KIF5B: variants seen among roughly 807,000 people sequenced by gnomAD.
KIF5B encodes kinesin-1 heavy chain.
KIF5B carries 49 observed loss-of-function variants against 132.8 expected under a neutral mutation model. The ratio of observed to expected loss-of-function variants is 0.37; its 90% CI spans 0.29 to 0.47. The LOEUF is 0.47. Ranked by LOEUF, KIF5B falls within the 20% of genes least tolerant of loss-of-function variation. The probability of loss-of-function intolerance (pLI) is 1.00; values close to 1 mark genes in which losing one functional copy is unlikely to be tolerated. For missense variants in KIF5B, 780 were observed against 1,144.0 expected (o/e 0.68, Z 4.59); for synonymous variants, 355 against 369.4 (o/e 0.96, Z 0.45).
In KIF5B at chr10:32,034,750, T is replaced by C; in HGVS notation, c.1051A>G (p.Asn351Asp). The C allele has an allele frequency of 6.2e-7, 1 of 1,609,828 alleles. No homozygotes were observed. Among genetic ancestry groups the C allele is most frequent in the Non-Finnish European group, 8.5e-7 (1 of 1,178,206 alleles). ...TGAATAGTGTTCCGCAGGATCTTAT[T>C]TTTTTCTTTTTCTTTTTCATACTTC... Reference protein sequence around the residue: ...KKKYEKEKEKNKILRNTIQWL... With the variant: ...KKKYEKEKEKDKILRNTIQWL... The change falls in exon 11 of 26, where the codon AAT (asparagine) becomes GAT (aspartate). Residue 351 changes from asparagine to aspartate, a missense_variant. By Grantham distance (23) the Asn-to-Asp change is conservative (BLOSUM62 1). Transcript: ENST00000302418.
At chr10:32,035,394 T>C (rs1435714736) in intron 10 of KIF5B, 128 bp downstream of exon 10, 1 of 695,362 alleles carries the variant, frequency 1.4e-6, no homozygotes, top group Non-Finnish European at 2.3e-6. Flanking sequence ...TTATCTGTCA[T>C]CAATTCAAAC....
At chr10:32,050,711 C>A (rs1273427577) in intron 1 of KIF5B, among the ~76,000 whole-genome samples, 1 of 152,212 alleles carries the variant, frequency 6.6e-6, no homozygotes, top group Non-Finnish European at 1.5e-5. Context: ...TTAAAATAGG[C>A]ATCGATGTCT....
chr10:32,018,311 A>G lies in KIF5B; in HGVS notation c.2439+5T>C. On this transcript the variant is annotated splice_donor_5th_base_variant and intron_variant, in intron 22 of 25. Transcript: ENST00000302418. ...CAAACGCCTACCTCGGCATAGTTAC[A>G]TTACCTTTTTAACTCTTGTAGCCAG... is the stretch of plus-strand genomic sequence containing the variant. The G allele has an allele frequency of 1.3e-6, 2 of 1,503,650 alleles. No individual in the cohort carries two copies. The highest frequency in any genetic ancestry group is 1.4e-5 in the South Asian group (1 of 70,464). 93.1% of individuals were successfully genotyped at this position (1,503,650 alleles called of 1,614,324 possible). A position where few individuals can be genotyped will look rare whatever the true frequency, so the allele number is the denominator to read the frequency against.
At position 32,010,342 on chromosome 10, in the gene KIF5B, A is replaced by G. The variant is rs1321398253; in HGVS notation, c.*1195T>C. On this transcript the variant is annotated 3_prime_UTR_variant, in exon 26 of 26. Transcript: ENST00000302418. ...ACGTATACACTTAGTACTGATTACA[A>G]AATTATCGGCTATGGCCAAGAAAAT... The G allele has an allele frequency of 6.6e-6, 1 of 152,226 alleles. No individual in the cohort carries two copies. Among genetic ancestry groups the G allele is most frequent in the Non-Finnish European group, 1.5e-5 (1 of 68,016 alleles). The allele number at this position is 152,226 out of a possible 1,614,324, so 9.4% of individuals were successfully genotyped here. A position where few individuals can be genotyped will look rare whatever the true frequency, so the allele number is the denominator to read the frequency against.
chr10:32,037,579 G>C lies in KIF5B; in HGVS notation c.527C>G (p.Pro176Arg). 4 of 1,612,748 alleles carry C rather than the reference G, an allele frequency of 2.5e-6. No individual in the cohort carries two copies. The highest frequency in any genetic ancestry group is 3.4e-6 in the Non-Finnish European group (4 of 1,178,864). The change falls in exon 7 of 26, where the codon CCA (proline) becomes CGA (arginine). Residue 176 changes from proline to arginine, a missense_variant. Physicochemically the swap from Pro to Arg is moderately radical, Grantham distance 103. Transcript: ENST00000302418. Reference protein sequence around the residue: ...KGCTERFVCSPDEVMDTIDEG... With the variant: ...KGCTERFVCSRDEVMDTIDEG... ...ATCTATGGTATCCATAACTTCATCT[G>C]GACTACATACAAAACGCTCTGTGCA...
intron 13 of KIF5B, among the ~76,000 whole-genome samples, chr10:32,032,273 T>C (rs931005255): frequency 6.6e-6 from 1 of 152,082 alleles, no homozygotes; most frequent in Non-Finnish European, 1.5e-5. Flanking sequence ...AATGCTATAG[T>C]TGAAATATGA....
intron 16 of KIF5B, 145 bp downstream of exon 16, chr10:32,022,703 A>G: frequency 1.8e-6 from 1 of 568,710 alleles, no homozygotes; most frequent in East Asian, 2.8e-5. Context: ...ACTCAGTTAA[A>G]TCATTCAAAT....
intron 24 of KIF5B, among the ~76,000 whole-genome samples, chr10:32,016,052 G>C (rs1841155412): frequency 6.6e-6 from 1 of 152,110 alleles, no homozygotes; most frequent in African/African-American, 2.4e-5. Context: ...GCTGAGGTGG[G>C]AGGATTGCAT....
At chr10:32,021,964 C>T (rs1007660277) in intron 17 of KIF5B, among the ~76,000 whole-genome samples, 176 bp downstream of exon 17, 4 of 152,052 alleles carry the variant, frequency 2.6e-5, no homozygotes, top group East Asian at 1.9e-4. Context: ...AGAGTGAAGA[C>T]GCCGTCTCAA....
At chr10:32,043,600 C>T (rs1841571867) in intron 2 of KIF5B, among the ~76,000 whole-genome samples, 1 of 152,126 alleles carries the variant, frequency 6.6e-6, no homozygotes, top group Admixed American at 6.5e-5. Context: ...TGATGAGATG[C>T]TTATCATATA....
chr10:32,049,880 T>C (rs1841666217), intron 1 of KIF5B, among the ~76,000 whole-genome samples: 1 of 152,058 alleles, frequency 6.6e-6, no homozygotes, highest in African/African-American at 2.4e-5. Context: ...TGAAAAAGAA[T>C]GGGAGGTAAC....
rs933060844 is a variant in KIF5B at position 32,009,032 on chromosome 10, CTTTA to C, written c.*2501_*2504del. On this transcript the variant is annotated 3_prime_UTR_variant, in exon 26 of 26. Transcript: ENST00000302418. The stretch of plus-strand genomic sequence containing the variant: ...TCATTACATTTCAAAAAATTTTCCT[CTTTA>C]TTTAAACATAAAACGCATTTACAAC... The C allele has an allele frequency of 1.3e-5, 2 of 152,136 alleles. No homozygotes were observed. Among genetic ancestry groups the C allele is most frequent in the Admixed American group, 6.5e-5 (1 of 15,270 alleles). 9.4% of individuals were successfully genotyped at this position (152,136 alleles called of 1,614,324 possible).
intron 25 of KIF5B, among the ~76,000 whole-genome samples, chr10:32,012,576 C>G (rs1234756027): frequency 6.6e-6 from 1 of 152,188 alleles, no homozygotes; most frequent in African/African-American, 2.4e-5. Flanking sequence ...TCAAAACAAA[C>G]CTGTAAATAA....
At chr10:32,052,687 T>C (rs1270829901) in intron 1 of KIF5B, among the ~76,000 whole-genome samples, 1 of 152,234 alleles carries the variant, frequency 6.6e-6, no homozygotes, top group Non-Finnish European at 1.5e-5. Flanking sequence ...TGTTTCCCTG[T>C]CCTCCTTGCT....
At chr10:32,022,012 T>G in intron 17 of KIF5B, 128 bp downstream of exon 17, 1 of 588,506 alleles carries the variant, frequency 1.7e-6, no homozygotes, top group South Asian at 2.5e-5. Flanking sequence ...AACATTAATA[T>G]GTATGATTTG....
intron 12 of KIF5B, among the ~76,000 whole-genome samples, chr10:32,033,497 G>A (rs961659054): frequency 2.0e-5 from 3 of 152,128 alleles, no homozygotes; most frequent in Non-Finnish European, 2.9e-5. Context: ...AATCCAAGGT[G>A]GAAGTTTCAT....
chr10:32,024,599 A>G (rs1425090044), intron 15 of KIF5B, among the ~76,000 whole-genome samples: 2 of 151,640 alleles, frequency 1.3e-5, no homozygotes, highest in Non-Finnish European at 2.9e-5. Flanking sequence ...CCCAGTTGCT[A>G]CTAAAAATAC....
At chr10:32,036,208 G>A (rs929032447) in intron 8 of KIF5B, among the ~76,000 whole-genome samples, 1 of 152,016 alleles carries the variant, frequency 6.6e-6, no homozygotes, top group East Asian at 1.9e-4. Flanking sequence ...GTAGTTTGTA[G>A]GTACTCTTGA....
Position 32,022,120 on chromosome 10 carries a change from TAA to T in KIF5B, c.2032+18_2032+19del. 8.2e-7 allele frequency: 1 copy of T among 1,213,960 alleles called. No homozygotes were observed. The highest frequency in any genetic ancestry group is 1.2e-6 in the Non-Finnish European group (1 of 835,542). The allele number at this position is 1,213,960 out of a possible 1,614,324, so 75.2% of individuals were successfully genotyped here. ...AAAATAAGAACACAGATGTAACTCA[TAA>T]ACAGTTGGAAGCTATACCTTGTGCT... On this transcript the variant is annotated intron_variant, in intron 17 of 25. Transcript: ENST00000302418.
Sources: gnomAD v4.1 joint callset for allele counts (sites outside exome capture counted in the v4.1 genomes callset) on GRCh38, gnomAD v4.1.1 for gene constraint, MANE v1.5 for transcripts, NCBI Gene and HGNC (gene_info 2026-07-23, HGNC 2026-07-21) for gene names.